DNAH5: variants seen among roughly 807,000 people sequenced by gnomAD.
DNAH5 encodes the protein dynein axonemal heavy chain 5, also known as axonemal beta dynein heavy chain 5.
DNAH5 carries 372 observed loss-of-function variants against 518.2 expected under a neutral mutation model. The observed-to-expected ratio is 0.72, with a 90% CI of 0.66 to 0.78. The LOEUF is 0.78. Among genes scored for constraint, DNAH5 ranks in the 30% least tolerant of loss-of-function variants. The probability of loss-of-function intolerance (pLI) is 0.00; values close to 1 mark genes in which losing one functional copy is unlikely to be tolerated. For missense variants in DNAH5, 5,523 were observed against 5,687.0 expected (o/e 0.97, Z 0.93); for synonymous variants, 2,039 against 2,025.9 (o/e 1.01, Z -0.17).
At chr5:13,765,291 A>G (rs1323240126) in intron 59 of DNAH5, among the ~76,000 whole-genome samples, 1 of 152,176 alleles carries the variant, frequency 6.6e-6, no homozygotes, top group Non-Finnish European at 1.5e-5. Flanking sequence ...ATATACTGGC[A>G]AACTATATAA....
intron 40 of DNAH5, among the ~76,000 whole-genome samples, 193 bp downstream of exon 40, chr5:13,823,070 G>C (rs1480675266): frequency 1.3e-5 from 2 of 152,214 alleles, no homozygotes; most frequent in Non-Finnish European, 2.9e-5. Flanking sequence ...GCTGTGCAAT[G>C]GTAGGAGACC....
intron 1 of DNAH5, among the ~76,000 whole-genome samples, chr5:13,970,144 A>C (rs1032376780): frequency 6.6e-6 from 1 of 152,162 alleles, no homozygotes; most frequent in African/African-American, 2.4e-5. Context: ...TTTGCATGGA[A>C]TATCTTTTTC....
Position 13,765,987 on chromosome 5 carries a change from G to A in DNAH5, c.10090C>T (p.Gln3364Ter). The change falls in exon 59 of 79, where the codon CAG becomes TAG. Residue 3364 changes from glutamine to a stop codon, truncating the protein, a stop_gained. Coordinates refer to ENST00000265104, the MANE Select transcript of DNAH5 (RefSeq NM_001369.3). LOFTEE classifies it high-confidence loss of function. ...LKLMTAGNFL[Q>*]NLQQFPKDTI... is the part of the protein sequence containing the mutation. ...ACTGAACTACCAACCTGTAAGTTCT[G>A]TAAAAAGTTCCCTGCAGTCATCAAT... The A allele has an allele frequency of 6.2e-7, 1 of 1,614,180 alleles. No homozygotes were observed. Among genetic ancestry groups the A allele is most frequent in the Non-Finnish European group, 8.5e-7 (1 of 1,180,014 alleles).
chr5:13,958,519 G>A (rs1400711388), intron 1 of DNAH5, among the ~76,000 whole-genome samples: 1 of 151,946 alleles, frequency 6.6e-6, no homozygotes, highest in Non-Finnish European at 1.5e-5. Flanking sequence ...AAAGATAACA[G>A]CACACATCCA....
chr5:13,787,832 C>G (rs1580243758), intron 51 of DNAH5, among the ~76,000 whole-genome samples: 1 of 152,266 alleles, frequency 6.6e-6, no homozygotes, highest in Middle Eastern at 3.4e-3. Context: ...TTGCAATTGT[C>G]ACTCAGAAAC....
chr5:13,970,254 T>A (rs1334974667), intron 1 of DNAH5, among the ~76,000 whole-genome samples: 1 of 152,234 alleles, frequency 6.6e-6, no homozygotes, highest in African/African-American at 2.4e-5. Flanking sequence ...TCTGCCTTGC[T>A]GTATCTTTTA....
intron 78 of DNAH5, among the ~76,000 whole-genome samples, chr5:13,695,673 G>A (rs1215084330): frequency 1.3e-5 from 2 of 152,124 alleles, no homozygotes; most frequent in African/African-American, 4.8e-5. Flanking sequence ...GCAAAATGAG[G>A]ATGACAAATT....
chr5:14,008,120 C>T (rs1784849633), intron 1 of DNAH5, among the ~76,000 whole-genome samples: 1 of 149,024 alleles, frequency 6.7e-6, no homozygotes, highest in East Asian at 2.0e-4. Flanking sequence ...TGCAGTGAGC[C>T]GAGATCGCGC....
intron 14 of DNAH5, among the ~76,000 whole-genome samples, chr5:13,900,905 G>C (rs540590223): frequency 2.0e-5 from 3 of 152,168 alleles, no homozygotes; most frequent in Admixed American, 6.5e-5. Context: ...TTGAAACTTT[G>C]TTTAACAGAT....
In DNAH5 at chr5:13,721,101, T is replaced by C. The variant is rs190014700; in HGVS notation, c.12178A>G (p.Ile4060Val). The change falls in exon 71 of 79, where the codon ATT becomes GTT. Residue 4060 changes from isoleucine to valine, a missense_variant. This residue lies in a region of DNAH5 where 5,121 missense variants were observed against 5,223.3 expected (regional missense o/e 0.98). Coordinates refer to ENST00000265104, the MANE Select transcript of DNAH5 (RefSeq NM_001369.3). ...ATTTTTAATCTCTTCCCCAAGGCAA[T>C]GATGGAATCTGTGGGGTCTGAGCCC... ...SMGSDPTDSI[I>V]ALGKRLKIET... is the part of the protein sequence containing the mutation. 8.7e-6 allele frequency: 14 copies of C among 1,614,116 alleles called. No homozygotes were observed. Among genetic ancestry groups the C allele is most frequent in the Non-Finnish European group, 1.1e-5 (13 of 1,180,000 alleles).
rs1282684944 is a variant in DNAH5 at position 13,762,749 on chromosome 5, A to T, written c.10254T>A (p.Ser3418=). The T allele has an allele frequency of 6.2e-7, 1 of 1,614,140 alleles. No homozygotes were observed. Among genetic ancestry groups the T allele is most frequent in the Middle Eastern group, 1.7e-4 (1 of 6,060 alleles). ...TCAGAGGCAGTACTTCTTTGTTTAT[A>T]GAAAAGAAGGAAGCCATAGCTTTCG... ...SWTKAMASFF[S]INKEVLPLKA... is the part of the protein sequence containing the mutation. The change falls in exon 60 of 79, where the codon TCT becomes TCA. Residue 3418 remains serine, a synonymous_variant. Transcript: ENST00000265104.
rs2151992604 is a variant in DNAH5, at chr5:13,920,510, G to T, written c.768C>A (p.Cys256Ter). 1.2e-6 allele frequency: 2 copies of T among 1,614,144 alleles called. No homozygotes were observed. The highest frequency in any genetic ancestry group is 1.7e-6 in the Non-Finnish European group (2 of 1,180,002). The part of the protein sequence containing the change: ...NPETLGKIED[C>*]MKVWIKQTEQ... ...CTGTCTGTTTGATCCATACTTTCAT[G>T]CAATCCTCTATTTTTCCCAAAGTCT... Residue 256 changes from cysteine to a stop codon, truncating the protein, a stop_gained, in exon 6 of 79, where the codon TGC (cysteine) becomes TGA (stop). Coordinates refer to ENST00000265104, the MANE Select transcript of DNAH5 (RefSeq NM_001369.3). LOFTEE classifies it high-confidence loss of function.
Position 13,701,440 on chromosome 5 carries a change from C to A in DNAH5, c.13339-4G>T, listed in dbSNP as rs748821124. 2 of 1,606,302 alleles carry A rather than the reference C, an allele frequency of 1.2e-6. No homozygotes were observed. Among genetic ancestry groups the A allele is most frequent in the Admixed American group, 1.7e-5 (1 of 59,922 alleles). On this transcript the variant is annotated splice_region_variant and splice_polypyrimidine_tract_variant and intron_variant, in intron 76 of 78. Transcript: ENST00000265104. ...GTGTACTAGAAATCCAAGAAGCCTG[C>A]AATGAAGACATTAAAACAATTAATT...
chr5:13,786,072 A>G (rs562289069), intron 52 of DNAH5, 107 bp downstream of exon 52: 200 of 1,158,072 alleles, frequency 1.7e-4, no homozygotes, highest in South Asian at 4.2e-4. Context: ...GTCTAATTTT[A>G]AACTGAAGAT....
chr5:13,721,653 G>C (rs575040312), intron 70 of DNAH5, among the ~76,000 whole-genome samples: 1 of 152,290 alleles, frequency 6.6e-6, no homozygotes, highest in East Asian at 1.9e-4. Context: ...TGATTAAATA[G>C]ATAATTATTG....
Position 13,788,601 on chromosome 5 carries a change from A to G in DNAH5, c.8647+115T>C, listed in dbSNP as rs148860148. On this transcript the variant is annotated intron_variant, in intron 51 of 78. Transcript: ENST00000265104. ...AGCATCTACTGTGTCTCAGGCTTGT[A>G]TCAATAAAGTTTACTAGAAAGAAAC... is the stretch of plus-strand genomic sequence containing the variant. 4,480 of 856,218 alleles carry G rather than the reference A, an allele frequency of 5.2e-3. 13 individuals are homozygous for G. Among genetic ancestry groups the G allele is most frequent in the Non-Finnish European group, 7.0e-3 (3,568 of 509,042 alleles). 53.0% of individuals were successfully genotyped at this position (856,218 alleles called of 1,614,324 possible).
chr5:13,900,816 C>T (rs1774501834), intron 14 of DNAH5: 1 of 310,850 alleles, frequency 3.2e-6, no homozygotes, highest in South Asian at 3.6e-5. Context: ...ATGGAGACAT[C>T]GCATCCTGAC....
At chr5:13,940,334 T>C (rs368267296) in intron 1 of DNAH5, among the ~76,000 whole-genome samples, 5 of 152,260 alleles carry the variant, frequency 3.3e-5, no homozygotes, top group South Asian at 2.1e-4. Context: ...CAGAAATGCC[T>C]CTCATGTAGA....
chr5:13,902,172 G>C (rs747332054), intron 12 of DNAH5, 34 bp from the exon 13 acceptor site: 1 of 1,462,344 alleles, frequency 6.8e-7, no homozygotes, highest in South Asian at 1.2e-5. Flanking sequence ...ATGAACAATA[G>C]AATTGGGAAT....
Sources: allele counts gnomAD v4.1 joint callset (sites outside exome capture counted in the v4.1 genomes callset), GRCh38; gene constraint gnomAD v4.1.1; regional missense constraint gnomAD v4.1.1; transcripts MANE v1.5; gene names NCBI Gene and HGNC (gene_info 2026-07-23, HGNC 2026-07-21).